ZMIZ1: variants seen among roughly 807,000 people sequenced by gnomAD.
The protein encoded by ZMIZ1 is zinc finger MIZ domain-containing protein 1.
ZMIZ1 carries 17 observed loss-of-function variants against 113.9 expected under a neutral mutation model. That is an observed-to-expected ratio of 0.15 (90% confidence interval 0.10 to 0.22). The LOEUF (loss-of-function observed/expected upper bound fraction) is 0.22. Among genes scored for constraint, ZMIZ1 ranks in the 10% least tolerant of loss-of-function variants. The pLI, the probability that ZMIZ1 is intolerant of heterozygous loss-of-function variation, is 1.00. For missense variants in ZMIZ1, 1,059 were observed against 1,477.8 expected (o/e 0.72, Z 4.65); for synonymous variants, 607 against 603.1 (o/e 1.01, Z -0.09).
intron 1 of ZMIZ1, among the ~76,000 whole-genome samples, chr10:79,078,900 T>C (rs958255613): frequency 6.6e-6 from 1 of 152,060 alleles, no homozygotes; most frequent in Non-Finnish European, 1.5e-5. Flanking sequence ...TAGACCATTT[T>C]GGGAAACGCC....
At chr10:79,291,505 A>G (rs1197641221) in intron 10 of ZMIZ1, among the ~76,000 whole-genome samples, 1 of 152,290 alleles carries the variant, frequency 6.6e-6, no homozygotes, top group African/African-American at 2.4e-5. Context: ...GGATTGGGAA[A>G]GTCGAAGAGC....
chr10:79,292,684 G>C, intron 11 of ZMIZ1: 1 of 486,504 alleles, frequency 2.1e-6, no homozygotes, highest in Non-Finnish European at 4.0e-6. Flanking sequence ...CCAAGGAGTG[G>C]GCTCAATGTC....
At chr10:79,267,023 A>G (rs552368293) in intron 7 of ZMIZ1, among the ~76,000 whole-genome samples, 4 of 152,310 alleles carry the variant, frequency 2.6e-5, no homozygotes, top group African/African-American at 7.2e-5. Flanking sequence ...CAGGCCTCCT[A>G]TTGTGGAGAG....
chr10:79,226,739 G>A (rs978948826), intron 7 of ZMIZ1, among the ~76,000 whole-genome samples: 2 of 152,184 alleles, frequency 1.3e-5, no homozygotes, highest in East Asian at 3.8e-4. Flanking sequence ...CCACAGCCTT[G>A]TAAATACCTT....
intron 3 of ZMIZ1, among the ~76,000 whole-genome samples, chr10:79,160,886 C>T (rs931217495): frequency 5.9e-5 from 9 of 152,232 alleles, no homozygotes; most frequent in East Asian, 1.9e-4. Flanking sequence ...GTGGGCACTC[C>T]GGTGCAGAGA....
Position 79,307,506 on chromosome 10 carries a change from C to A in ZMIZ1, c.2770C>A (p.Pro924Thr), listed in dbSNP as rs563948126. The A allele has an allele frequency of 5.0e-6, 8 of 1,611,986 alleles. No homozygotes were observed. In the South Asian group the frequency reaches 7.7e-5, roughly 16 times the overall value. Residue 924 changes from proline (P) to threonine (T), a missense_variant, in exon 23 of 25, where the codon CCC becomes ACC. This residue lies in a region of ZMIZ1 where 225 missense variants were observed against 276.0 expected (regional missense o/e 0.82). Transcript: ENST00000334512. ...FMHGPPQLSH[P>T]PDMPNNMAAL... ...GCACGGGCCCCCCCAGCTCTCCCAC[C>A]CCCCGGACATGCCCAACAACATGGC...
chr10:79,310,781 A>T, intron 23 of ZMIZ1, 143 bp from the exon 24 acceptor site: 1 of 976,048 alleles, frequency 1.0e-6, no homozygotes, highest in Non-Finnish European at 1.5e-6. Context: ...CTCTGCCCAG[A>T]AACAACGTTC....
At chr10:79,103,427 G>A (rs1244129083) in intron 1 of ZMIZ1, among the ~76,000 whole-genome samples, 1 of 152,188 alleles carries the variant, frequency 6.6e-6, no homozygotes, top group Non-Finnish European at 1.5e-5. Flanking sequence ...GGGCAGATCC[G>A]CACGCGGGGA....
chr10:79,302,780 G>A (rs550632578), intron 18 of ZMIZ1, among the ~76,000 whole-genome samples: 13 of 140,564 alleles, frequency 9.2e-5, no homozygotes, highest in African/African-American at 2.9e-4. Context: ...TGCAGGCTCC[G>A]CCTCATGGGT....
chr10:79,078,789 A>G (rs1413592733), intron 1 of ZMIZ1, among the ~76,000 whole-genome samples: 2 of 148,054 alleles, frequency 1.4e-5, no homozygotes, highest in East Asian at 2.0e-4. Flanking sequence ...GGCTCAAGCA[A>G]TCCACCTGCA....
intron 1 of ZMIZ1, among the ~76,000 whole-genome samples, chr10:79,114,998 C>T (rs1014354721): frequency 6.6e-6 from 1 of 152,208 alleles, no homozygotes; most frequent in African/African-American, 2.4e-5. Flanking sequence ...GTGTTCCAGA[C>T]CCATAGACTT....
chr10:79,157,458 G>A (rs1169033134), intron 3 of ZMIZ1, among the ~76,000 whole-genome samples: 1 of 151,994 alleles, frequency 6.6e-6, no homozygotes, highest in East Asian at 1.9e-4. Flanking sequence ...GCTCTGAGGT[G>A]GCATTGGTGC....
At chr10:79,151,426 C>T (rs971144655) in intron 3 of ZMIZ1, among the ~76,000 whole-genome samples, 1 of 152,200 alleles carries the variant, frequency 6.6e-6, no homozygotes, top group Non-Finnish European at 1.5e-5. Flanking sequence ...TGGGGAGCCA[C>T]TGAAAGTTCT....
chr10:79,263,240 G>T (rs1851376351), intron 7 of ZMIZ1, among the ~76,000 whole-genome samples: 1 of 152,260 alleles, frequency 6.6e-6, no homozygotes, highest in South Asian at 2.1e-4. Flanking sequence ...TTCGGTCTTT[G>T]CAGGGTTTAG....
rs1290850660 is a variant in ZMIZ1, at chr10:79,198,460, G to A, written c.-49-3124G>A. Among the ~76,000 whole-genome samples the A allele has an allele frequency of 2.6e-5, 4 of 152,090 alleles. No homozygotes were observed. The East Asian group carries it at 7.7e-4, about 29-fold the overall frequency. ...CCTTCCCCAGGCAGGTATTTCGATA[G>A]ATAAATGATGGGTGGAGAAATTGGG... On this transcript the variant is annotated intron_variant, in intron 4 of 24. Transcript: ENST00000334512.
intron 1 of ZMIZ1, among the ~76,000 whole-genome samples, chr10:79,077,066 C>T (rs1589245137): frequency 6.6e-6 from 1 of 152,138 alleles, no homozygotes; most frequent in Non-Finnish European, 1.5e-5. Context: ...GGCCTTCTCA[C>T]CCCACCCTAG....
At position 79,296,421 on chromosome 10, in the gene ZMIZ1, A is replaced by T. The variant is rs1853893333; in HGVS notation, c.1231-50A>T. The T allele has an allele frequency of 6.2e-7, 1 of 1,600,830 alleles. No individual in the cohort carries two copies. The highest frequency in any genetic ancestry group is 1.3e-5 in the African/African-American group (1 of 74,604). ...GTTGTTCAGGTGACCTGGCTATGTGACGTTGGCAACATTGAACGTGTTTCC... is the reference window on the plus strand; with the variant it reads ...GTTGTTCAGGTGACCTGGCTATGTGTCGTTGGCAACATTGAACGTGTTTCC... On this transcript the variant is annotated intron_variant, in intron 12 of 24. Transcript: ENST00000334512. The surrounding 1 kb of genome is among the most constrained non-coding windows in gnomAD (Gnocchi z 4.1).
chr10:79,158,212 G>T (rs113023185), intron 3 of ZMIZ1, among the ~76,000 whole-genome samples: 51 of 152,318 alleles, frequency 3.3e-4, no homozygotes, highest in African/African-American at 1.2e-3. Flanking sequence ...GCCAAGGCAC[G>T]TGTGTGGTCA....
rs1554860929 is a variant in ZMIZ1, at chr10:79,165,964, G to GGGCTCTTCCTGCAGCTCAGC, written c.-50+3831_-50+3832insGGCTCTTCCTGCAGCTCAGC. 3.8e-3 allele frequency among the ~76,000 whole-genome samples: 539 copies of GGGCTCTTCCTGCAGCTCAGC among 142,152 alleles called. 9 individuals carry two copies. Among genetic ancestry groups the GGGCTCTTCCTGCAGCTCAGC allele is most frequent in the African/African-American group, 0.014 (503 of 36,136 alleles). The allele number at this position is 142,152 out of a possible 152,430, so 93.3% of individuals were successfully genotyped here. A position where few individuals can be genotyped will look rare whatever the true frequency, so the allele number is the denominator to read the frequency against. On this transcript the variant is annotated intron_variant, in intron 4 of 24. Coordinates refer to ENST00000334512, the MANE Select transcript of ZMIZ1 (RefSeq NM_020338.4). ...CCAGCTCAGCTGTGTGTGTGTGTGT[G>GGGCTCTTCCTGCAGCTCAGC]TGTGTGTGTGTGTGTGTGTGTGTGT...
Sources: allele counts gnomAD v4.1 joint callset (sites outside exome capture counted in the v4.1 genomes callset), GRCh38; gene constraint gnomAD v4.1.1; regional missense constraint gnomAD v4.1.1; non-coding constraint Gnocchi (gnomAD v3.1); transcripts MANE v1.5; gene names NCBI Gene and HGNC (gene_info 2026-07-23, HGNC 2026-07-21).